The following ANKRD36C variants were observed in gnomAD, a reference collection of about 807,000 sequenced individuals.
ANKRD36C encodes ankyrin repeat domain 36C, also known as ankyrin repeat domain-containing protein 36C.
In ANKRD36C, 61 loss-of-function variants were observed where a neutral mutation model predicts 276.4. The observed-to-expected ratio is 0.22, with a 90% confidence interval of 0.18 to 0.27. The LOEUF (loss-of-function observed/expected upper bound fraction) is 0.27, where lower values mean the gene tolerates loss of function less well. Among genes scored for constraint, ANKRD36C ranks in the 10% least tolerant of loss-of-function variants. The probability of loss-of-function intolerance (pLI) is 1.00; values close to 1 mark genes in which losing one functional copy is unlikely to be tolerated. For missense variants in ANKRD36C, 1,447 were observed against 2,032.3 expected (o/e 0.71, Z 5.54); for synonymous variants, 483 against 680.1 (o/e 0.71, Z 4.51).
intron 31 of ANKRD36C, 36 bp downstream of exon 31, chr2:95,923,625 G>A: frequency 3.7e-6 from 6 of 1,609,060 alleles, no homozygotes; most frequent in Non-Finnish European, 5.1e-6. Flanking sequence ...GGACTATACA[G>A]TTACTAATAC....
At chr2:95,946,729 C>CA (rs1400701510) in intron 17 of ANKRD36C, among the ~76,000 whole-genome samples, 8 of 151,954 alleles carry the variant, frequency 5.3e-5, no homozygotes, top group African/African-American at 9.7e-5. Flanking sequence ...TATGCAGCCA[C>CA]AAAAAATGAT....
intron 1 of ANKRD36C, among the ~76,000 whole-genome samples, chr2:95,991,311 A>G (rs1573824027): frequency 1.8e-5 from 1 of 54,146 alleles, no homozygotes; most frequent in South Asian, 9.8e-4. Flanking sequence ...CCATCCCCCA[A>G]CTCACTCCAC....
intron 59 of ANKRD36C, among the ~76,000 whole-genome samples, chr2:95,870,991 A>C (rs1404360241): frequency 6.6e-6 from 1 of 152,164 alleles, no homozygotes; most frequent in Non-Finnish European, 1.5e-5. Flanking sequence ...AAACAAACAA[A>C]GCCTCCAAGA....
rs1678267156 is a variant in ANKRD36C, at chr2:95,954,021, A to T, written c.1137-16T>A. 1 of 1,534,602 alleles carries T rather than the reference A, an allele frequency of 6.5e-7. No individual in the cohort carries two copies. The highest frequency in any genetic ancestry group is 8.7e-7 in the Non-Finnish European group (1 of 1,145,494). ...GTAGAGACTCCTACAGAGCAAAAAG[A>T]TACAGCAAAAATGAGCACGTTCATT... On this transcript the variant is annotated splice_polypyrimidine_tract_variant and intron_variant, in intron 13 of 66. Coordinates refer to ENST00000456556, the Ensembl canonical transcript of ANKRD36C.
At chr2:95,979,278 G>A (rs547849476) in intron 5 of ANKRD36C, among the ~76,000 whole-genome samples, 27 of 151,962 alleles carry the variant, frequency 1.8e-4, no homozygotes, top group Admixed American at 1.2e-3. Flanking sequence ...TGACCTTCCC[G>A]TGACTGCAAA....
intron 19 of ANKRD36C, among the ~76,000 whole-genome samples, chr2:95,943,496 A>T (rs1573790004): frequency 6.8e-6 from 1 of 148,146 alleles, no homozygotes; most frequent in East Asian, 2.0e-4. Flanking sequence ...AAAAAAAAAA[A>T]TTAACCAGAA....
chr2:95,991,537 T>C (rs1170902524), exon 1 of ANKRD36C: 19 of 1,609,834 alleles, frequency 1.2e-5, no homozygotes, highest in Admixed American at 1.7e-5. Context: ...CTCTTATTGA[T>C]GTCATAACGC....
At chr2:95,918,727 A>G (rs1012362871) in intron 34 of ANKRD36C, among the ~76,000 whole-genome samples, 10 of 151,644 alleles carry the variant, frequency 6.6e-5, no homozygotes, top group African/African-American at 2.2e-4. Flanking sequence ...TATTAGCCTC[A>G]ATAAAAATAT....
intron 18 of ANKRD36C, 39 bp from the exon 19 acceptor site, chr2:95,944,733 G>C: frequency 6.5e-7 from 1 of 1,530,476 alleles, no homozygotes; most frequent in South Asian, 1.2e-5. Context: ...TGAAATGCAT[G>C]TAATTAAGAA....
intron 60 of ANKRD36C, among the ~76,000 whole-genome samples, chr2:95,863,843 T>C (rs539895782): frequency 6.6e-6 from 1 of 152,210 alleles, no homozygotes; most frequent in Non-Finnish European, 1.5e-5. Context: ...AAAAGATACA[T>C]AGGCAGAGCA....
chr2:95,934,354 G>A (rs951855198), intron 24 of ANKRD36C, among the ~76,000 whole-genome samples: 3 of 151,874 alleles, frequency 2.0e-5, no homozygotes, highest in Non-Finnish European at 2.9e-5. Context: ...GAACCAGCCC[G>A]AATGCCCATC....
chr2:95,951,439 A>T, intron 14 of ANKRD36C, 31 bp from the exon 15 acceptor site: 1 of 1,424,990 alleles, frequency 7.0e-7, no homozygotes, highest in East Asian at 2.5e-5. Context: ...GTTTAAGAAT[A>T]ACATGGAGCA....
At chr2:95,884,097 C>T in intron 54 of ANKRD36C, 76 bp downstream of exon 74, 2 of 1,476,070 alleles carry the variant, frequency 1.4e-6, no homozygotes, top group Non-Finnish European at 9.3e-7. Flanking sequence ...GACGAGCCCT[C>T]CGTTGATTTA....
In ANKRD36C at chr2:95,929,038, T is replaced by A. The variant is rs1189596948; in HGVS notation, c.1837+34A>T. On this transcript the variant is annotated intron_variant, in intron 26 of 66. Coordinates refer to ENST00000456556, the Ensembl canonical transcript of ANKRD36C. ...AAGGGAAGTTCTCTTCCATCTTGAT[T>A]GAACATGACATTAGAAGTGTTTTGC... is the stretch of plus-strand genomic sequence containing the variant. 4 of 1,600,252 alleles carry A rather than the reference T, an allele frequency of 2.5e-6. No homozygotes were observed. In the East Asian group the frequency reaches 8.9e-5, roughly 36 times the overall value.
intron 16 of ANKRD36C, among the ~76,000 whole-genome samples, chr2:95,949,273 T>C (rs1278979071): frequency 1.3e-5 from 2 of 152,166 alleles, no homozygotes; most frequent in South Asian, 2.1e-4. Context: ...ATCCAATTAT[T>C]GTCATTATAT....
intron 6 of ANKRD36C, among the ~76,000 whole-genome samples, chr2:95,972,401 T>G (rs1209336088): frequency 6.6e-6 from 1 of 152,198 alleles, no homozygotes; most frequent in African/African-American, 2.4e-5. Flanking sequence ...GATGTCAAAA[T>G]TCGAAGCTAC....
intron 59 of ANKRD36C, among the ~76,000 whole-genome samples, chr2:95,871,263 A>G (rs1675804812): frequency 6.6e-6 from 1 of 152,228 alleles, no homozygotes; most frequent in African/African-American, 2.4e-5. Flanking sequence ...GGGCAGCCAG[A>G]GAGAAAGGTC....
chr2:95,966,969 G>T (rs1678605149), intron 6 of ANKRD36C, among the ~76,000 whole-genome samples: 3 of 152,062 alleles, frequency 2.0e-5, no homozygotes, highest in Admixed American at 6.6e-5. Context: ...TATTACTGGT[G>T]TATAGGAATG....
At chr2:95,927,049 A>T (rs1677422990) in intron 28 of ANKRD36C, among the ~76,000 whole-genome samples, 165 bp downstream of exon 28, 1 of 151,560 alleles carries the variant, frequency 6.6e-6, no homozygotes, top group Non-Finnish European at 1.5e-5. Context: ...TGCAAAGATC[A>T]TGTCAAAGAC....
Sources: gnomAD v4.1 joint callset for allele counts (sites outside exome capture counted in the v4.1 genomes callset) on GRCh38, gnomAD v4.1.1 for gene constraint, MANE v1.5 for transcripts, NCBI Gene and HGNC (gene_info 2026-07-23, HGNC 2026-07-21) for gene names.